AFG1L: variants seen among roughly 807,000 people sequenced by gnomAD.
The protein encoded by AFG1L is AFG1 like ATPase, also known as AFG1-like ATPase.
Under a neutral mutation model 62.2 loss-of-function variants are expected in AFG1L, and 53 were observed. The ratio of observed to expected loss-of-function variants is 0.85; its 90% CI spans 0.68 to 1.07. The LOEUF is 1.07. AFG1L is among the 50% of genes least tolerant of loss of function. AFG1L has a pLI of 0.00. For missense variants in AFG1L, 555 were observed against 590.5 expected (o/e 0.94, Z 0.62); for synonymous variants, 228 against 210.3 (o/e 1.08, Z -0.73).
In AFG1L at chr6:108,524,110, TACTC is replaced by T. The variant is rs1775235065; in HGVS notation, c.*1686_*1689del. On this transcript the variant is annotated 3_prime_UTR_variant, in exon 13 of 13. Coordinates refer to ENST00000368977, the MANE Select transcript of AFG1L (RefSeq NM_145315.5). ...CTATATTTTATAACACACTGTCTCT[TACTC>T]TTACTATTTAAAAAAAAGAGATTGT... 1 of 152,184 alleles carries T rather than the reference TACTC, an allele frequency of 6.6e-6. No homozygotes were observed. The highest frequency in any genetic ancestry group is 1.9e-4 in the East Asian group (1 of 5,208). The allele number at this position is 152,184 out of a possible 1,614,324, so 9.4% of individuals were successfully genotyped here.
rs541081190 is a variant in AFG1L at position 108,368,928 on chromosome 6, A to G, written c.748+2596A>G. Among the ~76,000 whole-genome samples the G allele has an allele frequency of 4.6e-5, 7 of 152,304 alleles. No homozygotes were observed. The South Asian group carries it at 1.0e-3, about 23-fold the overall frequency. ...TGAGCTGGAGCCACCCTTCTGGAGA[A>G]GACTGTAAGTTCAAGATGCGGAATT... On this transcript the variant is annotated intron_variant, in intron 6 of 12. Transcript: ENST00000368977.
At position 108,524,694 on chromosome 6, in the gene AFG1L, A is replaced by G. The variant is rs1775259899; in HGVS notation, c.*2269A>G. 6.6e-6 allele frequency: 1 copy of G among 152,260 alleles called. No homozygotes were observed. The highest frequency in any genetic ancestry group is 6.5e-5 in the Admixed American group (1 of 15,288). The allele number at this position is 152,260 out of a possible 1,614,324, so 9.4% of individuals were successfully genotyped here. A position where few individuals can be genotyped will look rare whatever the true frequency, so the allele number is the denominator to read the frequency against. On this transcript the variant is annotated 3_prime_UTR_variant, in exon 13 of 13. Coordinates refer to ENST00000368977, the MANE Select transcript of AFG1L (RefSeq NM_145315.5). ...GCCTGCTGGGATTGGCTGCAGTGGA[A>G]GAGGCTCTTTGAGCTGGGAGAAGGG...
intron 6 of AFG1L, among the ~76,000 whole-genome samples, chr6:108,398,640 G>C (rs1044336598): frequency 1.5e-4 from 23 of 152,116 alleles, no homozygotes; most frequent in African/African-American, 5.1e-4. Context: ...AGGTGAGATA[G>C]GGGTCTAGTC....
At chr6:108,382,147 C>G (rs560528332) in intron 6 of AFG1L, among the ~76,000 whole-genome samples, 3 of 151,790 alleles carry the variant, frequency 2.0e-5, no homozygotes, top group African/African-American at 7.3e-5. Flanking sequence ...ATTACAGGCA[C>G]GCGCCACCAC....
chr6:108,410,399 C>T (rs1265492604), intron 7 of AFG1L, among the ~76,000 whole-genome samples: 2 of 152,006 alleles, frequency 1.3e-5, no homozygotes, highest in Non-Finnish European at 2.9e-5. Context: ...GAAGAAAAAT[C>T]ATTGGGAAAA....
intron 6 of AFG1L, among the ~76,000 whole-genome samples, chr6:108,397,913 A>G (rs1257226334): frequency 6.6e-6 from 1 of 152,226 alleles, no homozygotes; most frequent in African/African-American, 2.4e-5. Flanking sequence ...TGTAACAAAC[A>G]TGAGTGTGCT....
At chr6:108,416,094 A>G (rs573792495) in intron 7 of AFG1L, among the ~76,000 whole-genome samples, 2 of 152,234 alleles carry the variant, frequency 1.3e-5, no homozygotes, top group Non-Finnish European at 2.9e-5. Flanking sequence ...AAACAACCCC[A>G]TCAAAAAGTG....
At chr6:108,506,690 A>G (rs1774434009) in intron 10 of AFG1L, among the ~76,000 whole-genome samples, 1 of 152,216 alleles carries the variant, frequency 6.6e-6, no homozygotes, top group African/African-American at 2.4e-5. Flanking sequence ...ATATTCTTTA[A>G]TTATCTCCAG....
At chr6:108,433,408 T>C (rs1771165910) in intron 7 of AFG1L, among the ~76,000 whole-genome samples, 1 of 151,346 alleles carries the variant, frequency 6.6e-6, no homozygotes, top group Admixed American at 6.6e-5. Flanking sequence ...GCTTCCCAAG[T>C]AGCTGGTACT....
intron 8 of AFG1L, among the ~76,000 whole-genome samples, chr6:108,451,777 G>A (rs962387071): frequency 1.3e-5 from 2 of 152,054 alleles, no homozygotes; most frequent in Non-Finnish European, 2.9e-5. Flanking sequence ...GGAGTGCAGT[G>A]GCGTGATCTC....
At chr6:108,385,798 A>G (rs1780737194) in intron 6 of AFG1L, among the ~76,000 whole-genome samples, 5 of 152,194 alleles carry the variant, frequency 3.3e-5, no homozygotes, top group Admixed American at 3.3e-4. Flanking sequence ...AGAACCATCA[A>G]CTTAGAATCT....
Position 108,519,723 on chromosome 6 carries a change from T to TC in AFG1L, c.1232dup (p.Ile412TyrfsTer11), listed in dbSNP as rs1775048579. 2.5e-6 allele frequency: 4 copies of TC among 1,611,970 alleles called. No individual in the cohort carries two copies. Among genetic ancestry groups the TC allele is most frequent in the Admixed American group, 1.7e-5 (1 of 59,852 alleles). ...TGCGTATAATTTGCTCTGCGTCGACTCCTATATCAAGCTTATTTTTGCATC... is the reference window on the plus strand; with the variant it reads ...TGCGTATAATTTGCTCTGCGTCGACTCCCTATATCAAGCTTATTTTTGCATC... On this transcript the variant is annotated frameshift_variant, in exon 12 of 13. Coordinates refer to ENST00000368977, the MANE Select transcript of AFG1L (RefSeq NM_145315.5). LOFTEE classifies it high-confidence loss of function.
chr6:108,449,165 A>G (rs1771943979), intron 8 of AFG1L, among the ~76,000 whole-genome samples: 1 of 151,060 alleles, frequency 6.6e-6, no homozygotes, highest in African/African-American at 2.4e-5. Flanking sequence ...AAAAGTATAT[A>G]TATATATATA....
rs772386656 is a variant in AFG1L at position 108,522,380 on chromosome 6, G to T, written c.1401G>T (p.Met467Ile). The T allele has an allele frequency of 5.6e-6, 9 of 1,613,948 alleles. No homozygotes were observed. In the Middle Eastern group the frequency reaches 4.9e-4, roughly 88 times the overall value. Residue 467 changes from methionine to isoleucine, a missense_variant, in exon 13 of 13, where the codon ATG becomes ATT. Coordinates refer to ENST00000368977, the MANE Select transcript of AFG1L (RefSeq NM_145315.5). ...FQRTISRLTE[M>I]QTEQYWNEGD... ...GCACAATTTCCCGACTCACGGAAAT[G>T]CAGACTGAACAGTACTGGAATGAAG...
intron 11 of AFG1L, among the ~76,000 whole-genome samples, chr6:108,517,442 C>G (rs1188475388): frequency 6.6e-6 from 1 of 152,202 alleles, no homozygotes; most frequent in Non-Finnish European, 1.5e-5. Context: ...GGAAAACTGG[C>G]TAGCCATATG....
At chr6:108,412,093 A>T (rs569844666) in intron 7 of AFG1L, among the ~76,000 whole-genome samples, 1 of 152,232 alleles carries the variant, frequency 6.6e-6, no homozygotes, top group Non-Finnish European at 1.5e-5. Context: ...GCTGAAAACC[A>T]TGGCACGAGA....
intron 8 of AFG1L, among the ~76,000 whole-genome samples, chr6:108,452,567 A>G (rs1772098947): frequency 6.6e-6 from 1 of 152,176 alleles, no homozygotes; most frequent in African/African-American, 2.4e-5. Flanking sequence ...ACCAAAAGGG[A>G]TGGGGGCAGG....
At chr6:108,423,956 T>A (rs1199979381) in intron 7 of AFG1L, among the ~76,000 whole-genome samples, 2 of 152,138 alleles carry the variant, frequency 1.3e-5, no homozygotes, top group African/African-American at 2.4e-5. Flanking sequence ...ACATACTGTT[T>A]AAAATAACTT....
At position 108,309,049 on chromosome 6, in the gene AFG1L, T is replaced by G. The variant is rs947051530; in HGVS notation, c.139+13831T>G. On this transcript the variant is annotated intron_variant, in intron 1 of 12. Transcript: ENST00000368977. ...AATGTAGTCCAATTTAGCAATCTTT[T>G]TGTGTGTGTCCTATTTATGAAATCT... 1.2e-4 allele frequency among the ~76,000 whole-genome samples: 18 copies of G among 152,166 alleles called. 1 individual carries two copies. The highest frequency in any genetic ancestry group is 6.5e-5 in the Admixed American group (1 of 15,268).
Sources: gnomAD v4.1 joint callset for allele counts (sites outside exome capture counted in the v4.1 genomes callset) on GRCh38, gnomAD v4.1.1 for gene constraint, MANE v1.5 for transcripts, NCBI Gene and HGNC (gene_info 2026-07-23, HGNC 2026-07-21) for gene names.